Variants in PLEKHM2 observed in about 807,000 individuals in gnomAD.
PLEKHM2 encodes pleckstrin homology domain-containing family M member 2.
In PLEKHM2, 77 loss-of-function variants were observed where a neutral mutation model predicts 116.3. The ratio of observed to expected loss-of-function variants is 0.66; its 90% CI spans 0.55 to 0.80. PLEKHM2 has a LOEUF of 0.80. PLEKHM2 is among the 30% of genes least tolerant of loss of function. The probability of loss-of-function intolerance (pLI) is 0.00; values close to 1 mark genes in which losing one functional copy is unlikely to be tolerated. For synonymous variants in PLEKHM2, 562 were observed against 571.0 expected, an observed-to-expected ratio of 0.98 and a Z score of 0.22; for missense variants, 1,183 against 1,354.9, an observed-to-expected ratio of 0.87 and a Z score of 1.99.
intron 1 of PLEKHM2, among the ~76,000 whole-genome samples, chr1:15,712,592 G>T (rs566402755): frequency 1.8e-4 from 27 of 151,880 alleles, no homozygotes; most frequent in African/African-American, 6.3e-4. Flanking sequence ...AATATACATG[G>T]ATATACCTTA....
At chr1:15,718,059 CTT>C in intron 4 of PLEKHM2, 67 bp downstream of exon 4, 1 of 998,120 alleles carries the variant, frequency 1.0e-6, no homozygotes, top group Admixed American at 2.0e-5. Flanking sequence ...CCCAAAGGCT[CTT>C]GTCATGCAGA....
At chr1:15,724,256 G>A (rs541280570) in intron 7 of PLEKHM2, among the ~76,000 whole-genome samples, 21 of 152,276 alleles carry the variant, frequency 1.4e-4, no homozygotes, top group South Asian at 4.1e-4. Flanking sequence ...AGGCCGAGGC[G>A]GGCAGATCAC....
Position 15,728,381 on chromosome 1 carries a change from A to G in PLEKHM2, c.1921+24A>G. ...AGGTGCCCGCCGCCCCCGGGCAGAC[A>G]GCGGGTTGTAGACGAGGCTGACTCT... On this transcript the variant is annotated intron_variant, in intron 11 of 19. Transcript: ENST00000375799. This position sits in a 1 kb window ranked among gnomAD's most constrained non-coding sequence, Gnocchi z 5.9. 1 of 1,595,346 alleles carries G rather than the reference A, an allele frequency of 6.3e-7. No individual in the cohort carries two copies. Among genetic ancestry groups the G allele is most frequent in the Non-Finnish European group, 8.6e-7 (1 of 1,166,104 alleles).
At position 15,719,002 on chromosome 1, in the gene PLEKHM2, T is replaced by C. The variant is rs1292996708; in HGVS notation, c.465+377T>C. Among the ~76,000 whole-genome samples, 1 of 152,150 alleles carries C rather than the reference T, an allele frequency of 6.6e-6. No homozygotes were observed. The highest frequency in any genetic ancestry group is 2.4e-5 in the African/African-American group (1 of 41,454). ...GTTCTGAAAAGTGTCATCAGCTCCA[T>C]GAAGAGCCTTCAGCCACCCTCTTCA... On this transcript the variant is annotated intron_variant, in intron 5 of 19. Coordinates refer to ENST00000375799, the MANE Select transcript of PLEKHM2 (RefSeq NM_015164.4). This position sits in a 1 kb window ranked among gnomAD's most constrained non-coding sequence, Gnocchi z 4.1.
intron 1 of PLEKHM2, among the ~76,000 whole-genome samples, chr1:15,711,775 T>C (rs1315414508): frequency 6.6e-6 from 1 of 152,006 alleles, no homozygotes; most frequent in Non-Finnish European, 1.5e-5. Flanking sequence ...GGTCAATTGA[T>C]AACGGGGGGG....
At chr1:15,698,169 C>G (rs1393129647) in intron 1 of PLEKHM2, among the ~76,000 whole-genome samples, 2 of 152,100 alleles carry the variant, frequency 1.3e-5, no homozygotes, top group African/African-American at 4.8e-5. Context: ...TCTAAGACAT[C>G]GCTGAAGGAC....
intron 14 of PLEKHM2, 146 bp downstream of exon 14, chr1:15,730,075 C>A (rs1034228883): frequency 6.9e-4 from 120 of 173,628 alleles, no homozygotes; most frequent in Admixed American, 1.7e-3. Flanking sequence ...CGGGGCGGGG[C>A]GGGGCTTTCC....
chr1:15,729,316 C>T lies in PLEKHM2; in HGVS notation c.2075+126C>T, dbSNP rs2068107580. On this transcript the variant is annotated intron_variant, in intron 13 of 19. Transcript: ENST00000375799. The surrounding 1 kb of genome is among the most constrained non-coding windows in gnomAD (Gnocchi z 4.7). ...TCCAGGAGGGGAAACCAGATGTATTCCCTCTGGAACCTGCATCTGCTCAGA... is the reference window on the plus strand; with the variant it reads ...TCCAGGAGGGGAAACCAGATGTATTTCCTCTGGAACCTGCATCTGCTCAGA... 1.3e-6 allele frequency: 1 copy of T among 756,712 alleles called. No individual in the cohort carries two copies. Among genetic ancestry groups the T allele is most frequent in the Non-Finnish European group, 2.3e-6 (1 of 434,298 alleles). The allele number at this position is 756,712 out of a possible 1,614,324, so 46.9% of individuals were successfully genotyped here.
chr1:15,711,263 C>T (rs1340015052), intron 1 of PLEKHM2, among the ~76,000 whole-genome samples: 1 of 151,554 alleles, frequency 6.6e-6, no homozygotes, highest in African/African-American at 2.4e-5. Flanking sequence ...AGTGAAAAAA[C>T]AAAAAAGATC....
Position 15,727,868 on chromosome 1 carries a change from A to G in PLEKHM2, c.1760+36A>G. 6.9e-7 allele frequency: 1 copy of G among 1,459,110 alleles called. No homozygotes were observed. Among genetic ancestry groups the G allele is most frequent in the South Asian group, 1.3e-5 (1 of 76,586 alleles). The allele number at this position is 1,459,110 out of a possible 1,614,324, so 90.4% of individuals were successfully genotyped here. On this transcript the variant is annotated intron_variant, in intron 9 of 19. Transcript: ENST00000375799. The surrounding 1 kb of genome is among the most constrained non-coding windows in gnomAD (Gnocchi z 7.5). The stretch of plus-strand genomic sequence containing the variant: ...TCTGCAGCTGGCATGGGACTCTCCC[A>G]GCCCTTGAAGCTGGGGACACTGTGC...
chr1:15,728,322 T>G lies in PLEKHM2; in HGVS notation c.1886T>G (p.Leu629Arg). Reference protein sequence around the residue: ...MEGNLQLLYVLLTDCYVYLLR... With the variant: ...MEGNLQLLYVRLTDCYVYLLR... ...GGCAACCTGCAGCTGCTGTACGTGC[T>G]GCTCACAGACTGCTATGTCTACCTG... Residue 629 changes from leucine to arginine, a missense_variant, in exon 11 of 20, where the codon CTG becomes CGG. This residue lies in a region of PLEKHM2 where 594 missense variants were observed against 720.1 expected (regional missense o/e 0.82). Coordinates refer to ENST00000375799, the MANE Select transcript of PLEKHM2 (RefSeq NM_015164.4). The surrounding 1 kb of genome is among the most constrained non-coding windows in gnomAD (Gnocchi z 5.9). The G allele has an allele frequency of 6.2e-7, 1 of 1,613,286 alleles. No individual in the cohort carries two copies. The highest frequency in any genetic ancestry group is 8.5e-7 in the Non-Finnish European group (1 of 1,179,870).
chr1:15,718,612 T>G lies in PLEKHM2; in HGVS notation c.452T>G (p.Phe151Cys). ...GTGTCCGGGCTAGAGTTCATTCGTT[T>G]CGAGCTGGATCTGGTGAGACACCAG... Reference protein sequence around the residue: ...TLVSGLEFIRFELDLDAPYLD... With the variant: ...TLVSGLEFIRCELDLDAPYLD... The change falls in exon 5 of 20, where the codon TTC becomes TGC. Residue 151 changes from phenylalanine (F) to cysteine (C), a missense_variant. Transcript: ENST00000375799. 6.7e-7 allele frequency: 1 copy of G among 1,493,196 alleles called. No individual in the cohort carries two copies. Among genetic ancestry groups the G allele is most frequent in the Non-Finnish European group, 9.0e-7 (1 of 1,109,442 alleles). 92.5% of individuals were successfully genotyped at this position (1,493,196 alleles called of 1,614,324 possible). A position where few individuals can be genotyped will look rare whatever the true frequency, so the allele number is the denominator to read the frequency against.
intron 6 of PLEKHM2, 134 bp downstream of exon 6, chr1:15,720,054 C>A: frequency 1.5e-6 from 1 of 650,040 alleles, no homozygotes; most frequent in Non-Finnish European, 2.5e-6. Context: ...CAGGGCTGGC[C>A]ATTTCCCAGA....
At position 15,725,318 on chromosome 1, in the gene PLEKHM2, T is replaced by C. The variant is rs1484233281; in HGVS notation, c.714T>C (p.Asp238=). 12 of 1,549,436 alleles carry C rather than the reference T, an allele frequency of 7.7e-6. 1 individual carries two copies. Among genetic ancestry groups the C allele is most frequent in the Non-Finnish European group, 8.7e-6 (10 of 1,145,524 alleles). Residue 238 remains aspartate, a splice_region_variant and synonymous_variant, in exon 8 of 20, where the codon GAT becomes GAC. Transcript: ENST00000375799. ...VPSVPSTDWE[D]GDLTDTVSGP... ...TCTCCTGCTTCCTTGTCCTCCCAGATGGAGACCTCACAGACACGGTCAGTG... is the reference window on the plus strand; with the variant it reads ...TCTCCTGCTTCCTTGTCCTCCCAGACGGAGACCTCACAGACACGGTCAGTG...
chr1:15,728,434 C>A lies in PLEKHM2; in HGVS notation c.1921+77C>A. The A allele has an allele frequency of 1.5e-6, 2 of 1,309,128 alleles. No homozygotes were observed. The highest frequency in any genetic ancestry group is 1.3e-5 in the South Asian group (1 of 75,420). 81.1% of individuals were successfully genotyped at this position (1,309,128 alleles called of 1,614,324 possible). A position where few individuals can be genotyped will look rare whatever the true frequency, so the allele number is the denominator to read the frequency against. ...GCCCCTTTTCCCCAGTCCCCTTGCC[C>A]TCTGAGTGCCTCCCGGCTGCCTGGC... On this transcript the variant is annotated intron_variant, in intron 11 of 19. Transcript: ENST00000375799. This position sits in a 1 kb window ranked among gnomAD's most constrained non-coding sequence, Gnocchi z 5.9.
intron 1 of PLEKHM2, among the ~76,000 whole-genome samples, chr1:15,699,594 G>C (rs1162212505): frequency 6.6e-6 from 1 of 152,068 alleles, no homozygotes; most frequent in Non-Finnish European, 1.5e-5. Flanking sequence ...GTCTATCATT[G>C]ATGGACATTT....
chr1:15,727,865 C>T lies in PLEKHM2; in HGVS notation c.1760+33C>T, dbSNP rs2148373235. 6.7e-7 allele frequency: 1 copy of T among 1,484,950 alleles called. No homozygotes were observed. The highest frequency in any genetic ancestry group is 9.1e-7 in the Non-Finnish European group (1 of 1,098,228). The allele number at this position is 1,484,950 out of a possible 1,614,324, so 92.0% of individuals were successfully genotyped here. On this transcript the variant is annotated intron_variant, in intron 9 of 19. Coordinates refer to ENST00000375799, the MANE Select transcript of PLEKHM2 (RefSeq NM_015164.4). The surrounding 1 kb of genome is among the most constrained non-coding windows in gnomAD (Gnocchi z 7.5). The stretch of plus-strand genomic sequence containing the variant: ...GACTCTGCAGCTGGCATGGGACTCT[C>T]CCAGCCCTTGAAGCTGGGGACACTG...
intron 1 of PLEKHM2, among the ~76,000 whole-genome samples, chr1:15,693,840 C>T (rs938751008): frequency 6.6e-6 from 1 of 152,144 alleles, no homozygotes; most frequent in Non-Finnish European, 1.5e-5. Context: ...CAGTTCGTGA[C>T]AGTTGTGGGG....
intron 4 of PLEKHM2, among the ~76,000 whole-genome samples, chr1:15,718,290 A>C (rs141741754): frequency 6.6e-6 from 1 of 152,356 alleles, no homozygotes; most frequent in East Asian, 1.9e-4. Flanking sequence ...TGTGTACAGC[A>C]GCTGCTGAGA....
Sources: allele counts gnomAD v4.1 joint callset (sites outside exome capture counted in the v4.1 genomes callset), GRCh38; gene constraint gnomAD v4.1.1; regional missense constraint gnomAD v4.1.1; non-coding constraint Gnocchi (gnomAD v3.1); transcripts MANE v1.5; gene names NCBI Gene and HGNC (gene_info 2026-07-23, HGNC 2026-07-21).